The following NSRP1 variants were observed in gnomAD, a reference collection of about 807,000 sequenced individuals.
NSRP1 encodes nuclear speckle splicing regulatory protein 1.
Under a neutral mutation model 54.7 loss-of-function variants are expected in NSRP1, and 24 were observed. The observed-to-expected ratio is 0.44, with a 90% CI of 0.32 to 0.62. The LOEUF (loss-of-function observed/expected upper bound fraction) is 0.62, where lower values mean the gene tolerates loss of function less well. Ranked by LOEUF, NSRP1 falls within the 20% of genes least tolerant of loss-of-function variation. The pLI, the probability that NSRP1 is intolerant of heterozygous loss-of-function variation, is 0.06. For synonymous variants in NSRP1, 210 were observed against 213.8 expected, an observed-to-expected ratio of 0.98 and a Z score of 0.15; for missense variants, 596 against 651.2, an observed-to-expected ratio of 0.92 and a Z score of 0.92.
chr17:30,147,834 G>T (rs1202309576), intron 2 of NSRP1, among the ~76,000 whole-genome samples: 5 of 147,862 alleles, frequency 3.4e-5, no homozygotes, highest in Admixed American at 2.7e-4. Flanking sequence ...TTTTTGAGAC[G>T]GAGTTTCGCT....
intron 2 of NSRP1, among the ~76,000 whole-genome samples, chr17:30,131,266 C>A (rs1049718085): frequency 1.3e-5 from 2 of 152,128 alleles, no homozygotes; most frequent in East Asian, 3.9e-4. Flanking sequence ...TCTACAGTTT[C>A]TCTGTCTTTT....
In NSRP1 at chr17:30,184,677, T is replaced by C. The variant is rs768102631; in HGVS notation, c.680T>C (p.Ile227Thr). The stretch of plus-strand genomic sequence containing the variant: ...AATGAAGTAAGTTCAAAAAACAGAA[T>C]ACCACAAGAGAAATGCATTCTTCAA... ...FSNEVSSKNRIPQEKCILQTD... is the reference protein window; with the variant it reads ...FSNEVSSKNRTPQEKCILQTD... The change falls in exon 7 of 7, where the codon ATA becomes ACA. Residue 227 changes from isoleucine to threonine, a missense_variant. Physicochemically the swap from Ile to Thr is moderately conservative, Grantham distance 89. Transcript: ENST00000247026. 4 of 1,607,386 alleles carry C rather than the reference T, an allele frequency of 2.5e-6. No homozygotes were observed. Among genetic ancestry groups the C allele is most frequent in the Non-Finnish European group, 3.4e-6 (4 of 1,177,520 alleles).
In NSRP1 at chr17:30,185,339, G is replaced by A. The variant is rs148231103; in HGVS notation, c.1342G>A (p.Glu448Lys). ...ACGAGAGGTAGGTGTTCAGTCTTCA[G>A]AAAGAAATCAAGACAGAAAGGAAAG... ...EKREVGVQSS[E>K]RNQDRKESSP... Residue 448 changes from glutamate to lysine, a missense_variant, in exon 7 of 7, where the codon GAA (glutamate) becomes AAA (lysine). By Grantham distance (56) the Glu-to-Lys change is moderately conservative. Coordinates refer to ENST00000247026, the MANE Select transcript of NSRP1 (RefSeq NM_032141.4). 6.2e-7 allele frequency: 1 copy of A among 1,610,816 alleles called. No homozygotes were observed. Among genetic ancestry groups the A allele is most frequent in the African/African-American group, 1.3e-5 (1 of 74,704 alleles).
chr17:30,124,213 G>A (rs2071630201), intron 2 of NSRP1, among the ~76,000 whole-genome samples: 1 of 152,146 alleles, frequency 6.6e-6, no homozygotes, highest in South Asian at 2.1e-4. Context: ...CAGTGAGCTA[G>A]GATTGTGCTA....
chr17:30,156,977 T>C (rs1360881320), intron 2 of NSRP1, among the ~76,000 whole-genome samples: 1 of 152,226 alleles, frequency 6.6e-6, no homozygotes, highest in Admixed American at 6.5e-5. Flanking sequence ...CCTTTTGATA[T>C]ACTGATTTTC....
intron 2 of NSRP1, among the ~76,000 whole-genome samples, chr17:30,146,309 T>A (rs1362308803): frequency 6.6e-6 from 1 of 152,250 alleles, no homozygotes; most frequent in Non-Finnish European, 1.5e-5. Flanking sequence ...TTCTGAGATT[T>A]GTATTAGAAC....
Position 30,122,349 on chromosome 17 carries a change from T to TGTGTGTATATA in NSRP1, c.114+4176_114+4177insGTGTGTATATA, listed in dbSNP as rs1481107161. On this transcript the variant is annotated intron_variant, in intron 2 of 6. Transcript: ENST00000247026. Reference sequence around the variant, plus strand: ...TTTCTGGTTCATATGATAACTCTGGTTTCATATATATATATATATATATAT... The same window carrying TGTGTGTATATA: ...TTTCTGGTTCATATGATAACTCTGGTGTGTGTATATATTCATATATATATATATATATATAT... The TGTGTGTATATA allele has an allele frequency of 3.3e-3, 236 of 72,280 alleles. 9 individuals carry two copies. The highest frequency in any genetic ancestry group is 0.022 in the Middle Eastern group (3 of 138). 4.5% of individuals were successfully genotyped at this position (72,280 alleles called of 1,614,324 possible).
At chr17:30,149,082 A>T (rs1350940060) in intron 2 of NSRP1, among the ~76,000 whole-genome samples, 1 of 152,190 alleles carries the variant, frequency 6.6e-6, no homozygotes, top group Non-Finnish European at 1.5e-5. Context: ...TCAGTGTTAT[A>T]CATTTATAAA....
chr17:30,164,303 G>A (rs2143006806), intron 2 of NSRP1, among the ~76,000 whole-genome samples: 1 of 152,230 alleles, frequency 6.6e-6, no homozygotes, highest in African/African-American at 2.4e-5. Context: ...TACTGCTTCA[G>A]GTTTTTGAAA....
In NSRP1 at chr17:30,185,665, AGATGATT is replaced by A; in HGVS notation, c.1673_*2del. 6.4e-7 allele frequency: 1 copy of A among 1,570,480 alleles called. No homozygotes were observed. Among genetic ancestry groups the A allele is most frequent in the Admixed American group, 2.0e-5 (1 of 49,280 alleles). ...ATGCAAAGACCTATATTGAGAAAGA[AGATGATT>A]GATGGCTACCCCAAGAGAAAGATTT... On this transcript the variant is annotated frameshift_variant and stop_lost, in exon 7 of 7. Coordinates refer to ENST00000247026, the MANE Select transcript of NSRP1 (RefSeq NM_032141.4). LOFTEE classifies it high-confidence loss of function.
intron 3 of NSRP1, among the ~76,000 whole-genome samples, chr17:30,174,108 G>T (rs1373452734): frequency 6.6e-6 from 1 of 152,130 alleles, no homozygotes; most frequent in Non-Finnish European, 1.5e-5. Context: ...CTTATCCAAG[G>T]TAATACAGGT....
At position 30,185,675 on chromosome 17, in the gene NSRP1, T is replaced by C. The variant is rs373921983; in HGVS notation, c.*1T>C. 1.4e-5 allele frequency: 21 copies of C among 1,552,096 alleles called. No homozygotes were observed. Among genetic ancestry groups the C allele is most frequent in the Non-Finnish European group, 1.8e-5 (21 of 1,155,528 alleles). On this transcript the variant is annotated 3_prime_UTR_variant, in exon 7 of 7. Transcript: ENST00000247026. ...CTATATTGAGAAAGAAGATGATTGA[T>C]GGCTACCCCAAGAGAAAGATTTAAG...
intron 2 of NSRP1, among the ~76,000 whole-genome samples, chr17:30,165,163 T>G (rs1904684634): frequency 6.6e-6 from 1 of 152,112 alleles, no homozygotes; most frequent in Non-Finnish European, 1.5e-5. Context: ...TTGCCAGGGA[T>G]TAGAGATGGA....
At chr17:30,170,212 A>G (rs1191288551) in intron 2 of NSRP1, among the ~76,000 whole-genome samples, 2 of 152,180 alleles carry the variant, frequency 1.3e-5, no homozygotes. Flanking sequence ...AAAAAAATTA[A>G]TTGTGCATAT....
chr17:30,163,555 A>G (rs1045355215), intron 2 of NSRP1, among the ~76,000 whole-genome samples: 1 of 152,116 alleles, frequency 6.6e-6, no homozygotes, highest in Non-Finnish European at 1.5e-5. Flanking sequence ...AAAATGAAGC[A>G]AATATTAGAT....
intron 2 of NSRP1, among the ~76,000 whole-genome samples, chr17:30,171,184 CTT>C (rs2143008180): frequency 6.6e-6 from 1 of 151,862 alleles, no homozygotes. Flanking sequence ...TGTCATATCT[CTT>C]TTGGAAAGGG....
intron 2 of NSRP1, among the ~76,000 whole-genome samples, chr17:30,157,154 G>A (rs1212397284): frequency 2.0e-5 from 3 of 152,102 alleles, no homozygotes; most frequent in African/African-American, 7.2e-5. Context: ...GCCAGCATCT[G>A]TTAGTTTTTG....
chr17:30,140,945 G>A (rs952447052), intron 2 of NSRP1, among the ~76,000 whole-genome samples: 33 of 152,224 alleles, frequency 2.2e-4, no homozygotes, highest in Admixed American at 1.8e-3. Context: ...CTCCTAAGTA[G>A]CTGGGATTAC....
intron 4 of NSRP1, among the ~76,000 whole-genome samples, chr17:30,178,511 G>A (rs930988650): frequency 1.3e-5 from 2 of 152,070 alleles, no homozygotes; most frequent in African/African-American, 4.8e-5. Flanking sequence ...GTTTATTTGT[G>A]TTTTATTACC....
Sources: allele counts gnomAD v4.1 joint callset (sites outside exome capture counted in the v4.1 genomes callset), GRCh38; gene constraint gnomAD v4.1.1; transcripts MANE v1.5; gene names NCBI Gene and HGNC (gene_info 2026-07-23, HGNC 2026-07-21).